PCDH9: variants seen among roughly 807,000 people sequenced by gnomAD.
PCDH9 encodes protocadherin-9.
Under a neutral mutation model 70.6 loss-of-function variants are expected in PCDH9, and 24 were observed. The ratio of observed to expected loss-of-function variants is 0.34; its 90% CI spans 0.25 to 0.48. The LOEUF is 0.48. PCDH9 is among the 20% of genes least tolerant of loss of function. The pLI is 0.99. For missense variants in PCDH9, 1,281 were observed against 1,503.6 expected, an observed-to-expected ratio of 0.85 and a Z score of 2.45; for synonymous variants, 562 against 558.5, an observed-to-expected ratio of 1.01 and a Z score of -0.09.
intron 2 of PCDH9, among the ~76,000 whole-genome samples, chr13:66,979,195 T>C (rs909513093): frequency 3.3e-5 from 5 of 152,088 alleles, no homozygotes; most frequent in African/African-American, 1.2e-4. Context: ...TTTCACTTCT[T>C]TGAGGGTTAT....
intron 4 of PCDH9, among the ~76,000 whole-genome samples, chr13:66,616,968 G>A (rs1037650960): frequency 3.3e-5 from 5 of 152,122 alleles, no homozygotes; most frequent in Non-Finnish European, 5.9e-5. Context: ...GAGCCACATG[G>A]TAGCAGAGGT....
intron 3 of PCDH9, among the ~76,000 whole-genome samples, chr13:66,860,292 G>T (rs568969663): frequency 6.6e-6 from 1 of 152,010 alleles, no homozygotes; most frequent in Non-Finnish European, 1.5e-5. Context: ...ATAAGCATTC[G>T]CAGCAGCTTC....
intron 4 of PCDH9, among the ~76,000 whole-genome samples, chr13:66,485,124 A>G (rs1311475401): frequency 2.6e-5 from 4 of 152,188 alleles, no homozygotes; most frequent in Non-Finnish European, 5.9e-5. Context: ...CGGTACTGAC[A>G]GTTAAACAGT....
chr13:66,812,777 G>A (rs2080532469), intron 3 of PCDH9, among the ~76,000 whole-genome samples: 1 of 152,132 alleles, frequency 6.6e-6, no homozygotes, highest in Non-Finnish European at 1.5e-5. Context: ...GAAATAATTA[G>A]GAATAGGTTT....
intron 2 of PCDH9, among the ~76,000 whole-genome samples, chr13:66,976,071 G>A (rs930072970): frequency 1.3e-5 from 2 of 151,940 alleles, no homozygotes; most frequent in Non-Finnish European, 2.9e-5. Context: ...TTGAAAGATA[G>A]GGCATGTACA....
At chr13:66,640,741 A>C (rs1046829640) in intron 3 of PCDH9, among the ~76,000 whole-genome samples, 1 of 152,252 alleles carries the variant, frequency 6.6e-6, no homozygotes, top group African/African-American at 2.4e-5. Flanking sequence ...GTCTCTGAGA[A>C]GTACGATTAC....
At chr13:66,528,768 A>T (rs1281428702) in intron 4 of PCDH9, among the ~76,000 whole-genome samples, 1 of 152,168 alleles carries the variant, frequency 6.6e-6, no homozygotes, top group East Asian at 1.9e-4. Context: ...CTGATTTACA[A>T]GTTTATAAGA....
intron 3 of PCDH9, among the ~76,000 whole-genome samples, chr13:66,747,287 G>T (rs368628721): frequency 2.0e-5 from 3 of 152,164 alleles, no homozygotes; most frequent in Non-Finnish European, 2.9e-5. Context: ...GGAGGTGAAG[G>T]TTGCAGTGAG....
intron 2 of PCDH9, among the ~76,000 whole-genome samples, chr13:67,180,376 G>C (rs1438405458): frequency 6.6e-6 from 1 of 151,804 alleles, no homozygotes; most frequent in Admixed American, 6.6e-5. Context: ...TAAGTATTAT[G>C]AGTCAAAGCT....
chr13:66,658,906 T>C (rs1422987670), intron 3 of PCDH9, among the ~76,000 whole-genome samples: 1 of 152,180 alleles, frequency 6.6e-6, no homozygotes, highest in East Asian at 1.9e-4. Flanking sequence ...CATCAAATTA[T>C]GACTTAAGAA....
rs569801103 is a variant in PCDH9, at chr13:67,178,311, CATTT to C, written c.3036+47090_3036+47093del. ...TGCAGTTGTACAATGTTTGGCAAAT[CATTT>C]ACTTCTTTATGTCTCAAGTCTTTCA... On this transcript the variant is annotated intron_variant, in intron 2 of 4. Coordinates refer to ENST00000377865, the MANE Select transcript of PCDH9 (RefSeq NM_203487.3). Among the ~76,000 whole-genome samples the C allele has an allele frequency of 6.8e-3, 1,031 of 152,110 alleles. 2 individuals are homozygous for C. Among genetic ancestry groups the C allele is most frequent in the Non-Finnish European group, 1.0e-2 (679 of 67,912 alleles).
intron 3 of PCDH9, among the ~76,000 whole-genome samples, chr13:66,651,267 C>T (rs1287171664): frequency 2.0e-5 from 3 of 151,592 alleles, no homozygotes; most frequent in East Asian, 1.9e-4. Flanking sequence ...AACCTTTAGC[C>T]AGACCAAAAA....
Position 67,225,643 on chromosome 13 carries a change from G to A in PCDH9, c.2798C>T (p.Pro933Leu), listed in dbSNP as rs764679552. The A allele has an allele frequency of 1.2e-6, 2 of 1,614,146 alleles. No individual in the cohort carries two copies. The highest frequency in any genetic ancestry group is 3.3e-4 in the Middle Eastern group (2 of 6,062). ...AGATTTGTAGTGCTTGGCCAGGTCAGGACTGTTAGGCTTGAATGTTGTTGG... is the reference window on the plus strand; with the variant it reads ...AGATTTGTAGTGCTTGGCCAGGTCAAGACTGTTAGGCTTGAATGTTGTTGG... ...APPTTFKPNS[P>L]DLAKHYKSAS... is the part of the protein sequence containing the mutation. The change falls in exon 2 of 5, where the codon CCT (proline) becomes CTT (leucine). Residue 933 changes from proline to leucine, a missense_variant. Physicochemically the swap from Pro to Leu is moderately conservative, Grantham distance 98. Coordinates refer to ENST00000377865, the MANE Select transcript of PCDH9 (RefSeq NM_203487.3).
At chr13:66,874,255 C>T (rs969520811) in intron 3 of PCDH9, among the ~76,000 whole-genome samples, 26 of 152,066 alleles carry the variant, frequency 1.7e-4, no homozygotes, top group African/African-American at 6.0e-4. Context: ...CAAACTCAGC[C>T]CTGCAAATCT....
chr13:66,742,030 G>T (rs1314295565), intron 3 of PCDH9, among the ~76,000 whole-genome samples: 1 of 110,606 alleles, frequency 9.0e-6, no homozygotes, highest in Admixed American at 1.1e-4. Flanking sequence ...AGCCCGCATT[G>T]CCAAGTCAAT....
Position 67,032,984 on chromosome 13 carries a change from CTT to C in PCDH9, c.3037-129381_3037-129380del, listed in dbSNP as rs11362830. Among the ~76,000 whole-genome samples, 3 of 149,910 alleles carry C rather than the reference CTT, an allele frequency of 2.0e-5. No individual in the cohort carries two copies. The South Asian group carries it at 6.4e-4, about 32-fold the overall frequency. ...TTGTTAAATTTTCTTCTAATTTGTC[CTT>C]TTTTTTTTCTTACTTATGTGATGCA... is the stretch of plus-strand genomic sequence containing the variant. On this transcript the variant is annotated intron_variant, in intron 2 of 4. Coordinates refer to ENST00000377865, the MANE Select transcript of PCDH9 (RefSeq NM_203487.3).
chr13:66,478,309 A>G (rs1247029023), intron 4 of PCDH9, among the ~76,000 whole-genome samples: 2 of 152,154 alleles, frequency 1.3e-5, no homozygotes, highest in African/African-American at 4.8e-5. Flanking sequence ...TCTAAAACAA[A>G]GCAATATTGA....
At chr13:66,635,151 G>T (rs2077621046) in intron 3 of PCDH9, among the ~76,000 whole-genome samples, 2 of 152,128 alleles carry the variant, frequency 1.3e-5, no homozygotes, top group Admixed American at 6.5e-5. Flanking sequence ...ATATTACAGT[G>T]AGACTCCTTC....
At chr13:67,142,880 G>A (rs946706659) in intron 2 of PCDH9, among the ~76,000 whole-genome samples, 2 of 151,580 alleles carry the variant, frequency 1.3e-5, no homozygotes, top group African/African-American at 4.8e-5. Flanking sequence ...GTTGTAGCAG[G>A]CACCTGTAAT....
Sources: allele counts gnomAD v4.1 joint callset (sites outside exome capture counted in the v4.1 genomes callset), GRCh38; gene constraint gnomAD v4.1.1; transcripts MANE v1.5; gene names NCBI Gene and HGNC (gene_info 2026-07-23, HGNC 2026-07-21).